The following SHPRH variants were observed in gnomAD, a reference collection of about 807,000 sequenced individuals.
SHPRH encodes the protein E3 ubiquitin-protein ligase SHPRH.
Under a neutral mutation model 202.5 loss-of-function variants are expected in SHPRH, and 106 were observed. The ratio of observed to expected loss-of-function variants is 0.52; its 90% CI spans 0.45 to 0.62. The LOEUF (loss-of-function observed/expected upper bound fraction) is 0.62, where lower values mean the gene tolerates loss of function less well. Ranked by LOEUF, SHPRH falls within the 20% of genes least tolerant of loss-of-function variation. The probability of loss-of-function intolerance (pLI) is 0.00; values close to 1 mark genes in which losing one functional copy is unlikely to be tolerated. For synonymous variants in SHPRH, 729 were observed against 686.0 expected (o/e 1.06, Z -0.98); for missense variants, 1,710 against 2,020.0 (o/e 0.85, Z 2.94).
intron 25 of SHPRH, 42 bp from the exon 26 acceptor site, chr6:145,895,019 C>G: frequency 2.5e-6 from 4 of 1,569,728 alleles, no homozygotes; most frequent in Non-Finnish European, 3.5e-6. Context: ...ACTAAAAAAT[C>G]TAGTTAAGAA....
intron 8 of SHPRH, among the ~76,000 whole-genome samples, chr6:145,944,196 A>C (rs1787112916): frequency 1.3e-5 from 2 of 152,158 alleles, no homozygotes; most frequent in Non-Finnish European, 2.9e-5. Context: ...AAGAAAGTAA[A>C]AGATAATCCA....
intron 2 of SHPRH, among the ~76,000 whole-genome samples, chr6:145,868,396 A>G (rs1779899619): frequency 6.6e-6 from 1 of 152,258 alleles, no homozygotes; most frequent in Admixed American, 6.5e-5. Context: ...AGGAATGACC[A>G]AAGCCCACAA....
At chr6:145,936,046 T>C (rs1404869351) in intron 11 of SHPRH, among the ~76,000 whole-genome samples, 3 of 152,244 alleles carry the variant, frequency 2.0e-5, no homozygotes, top group Non-Finnish European at 2.9e-5. Flanking sequence ...TTTTCTTTTC[T>C]GATTCAGCAT....
chr6:145,871,255 G>A (rs930585278), intron 2 of SHPRH: 1 of 152,158 alleles, frequency 6.6e-6, no homozygotes, highest in South Asian at 2.1e-4. Flanking sequence ...GGGAAAAGAG[G>A]AAGTCAAACT....
rs1044161779 is a variant in SHPRH at position 145,886,146 on chromosome 6, A to G, written c.*545T>C. 8.6e-5 allele frequency: 20 copies of G among 233,372 alleles called. No homozygotes were observed. The highest frequency in any genetic ancestry group is 2.6e-4 in the Admixed American group (5 of 19,216). 14.5% of individuals were successfully genotyped at this position (233,372 alleles called of 1,614,324 possible). A position where few individuals can be genotyped will look rare whatever the true frequency, so the allele number is the denominator to read the frequency against. Reference sequence around the variant, plus strand: ...TAACTGTCTAACATTAACTTATTGTAAGGAGTTGTATTACTGCAAAATTAC... The same window carrying G: ...TAACTGTCTAACATTAACTTATTGTGAGGAGTTGTATTACTGCAAAATTAC... On this transcript the variant is annotated 3_prime_UTR_variant, in exon 30 of 30. Transcript: ENST00000275233.
intron 28 of SHPRH, among the ~76,000 whole-genome samples, chr6:145,890,992 CCTCCA>C (rs1223206827): frequency 2.9e-3 from 447 of 152,280 alleles, no homozygotes; most frequent in African/African-American, 0.01. Context: ...ACTGCAATAG[CCTCCA>C]AGACTCTCCC....
intron 1 of SHPRH, among the ~76,000 whole-genome samples, chr6:145,959,230 T>C (rs753422865): frequency 6.6e-6 from 1 of 152,228 alleles, no homozygotes; most frequent in Non-Finnish European, 1.5e-5. Context: ...GCCTTCACAT[T>C]CACTCCCTGA....
At chr6:145,943,836 C>G (rs746411392) in intron 8 of SHPRH, 34 bp from the exon 9 acceptor site, 6 of 1,518,264 alleles carry the variant, frequency 4.0e-6, no homozygotes, top group Non-Finnish European at 5.3e-6. Context: ...TTGATTGCAA[C>G]TAGTTGCATT....
chr6:145,952,481 A>G lies in SHPRH; in HGVS notation c.634-3T>C. On this transcript the variant is annotated splice_region_variant and splice_polypyrimidine_tract_variant and intron_variant, in intron 2 of 29. Coordinates refer to ENST00000275233, the MANE Select transcript of SHPRH (RefSeq NM_001042683.3). ...GCTTCCAAAAGATAAATTCCAACCTAAAAACAATTAATCAAAATAAAAGTA... is the reference window on the plus strand; with the variant it reads ...GCTTCCAAAAGATAAATTCCAACCTGAAAACAATTAATCAAAATAAAAGTA... 6.3e-7 allele frequency: 1 copy of G among 1,599,748 alleles called. No individual in the cohort carries two copies. Among genetic ancestry groups the G allele is most frequent in the Non-Finnish European group, 8.5e-7 (1 of 1,173,986 alleles).
rs779484607 is a variant in SHPRH, at chr6:145,935,008, G to A, written c.2889C>T (p.Asp963=). ...SDWALKLSSL[D]RRTVTSILYP... ...ACAGGATAGAGGTGACAGTCCTTCT[G>A]TCTAGGCTGCTGAGCTTCAGAGCCC... Residue 963 remains aspartate, a synonymous_variant, in exon 13 of 30, where the codon GAC becomes GAT. Transcript: ENST00000275233. The A allele has an allele frequency of 4.3e-6, 7 of 1,614,026 alleles. No individual in the cohort carries two copies. The South Asian group carries it at 7.7e-5, about 18-fold the overall frequency.
chr6:145,957,457 T>C (rs1788621890), intron 1 of SHPRH, among the ~76,000 whole-genome samples: 1 of 152,160 alleles, frequency 6.6e-6, no homozygotes, highest in East Asian at 1.9e-4. Context: ...GCAAATCAAG[T>C]ATCTGATGAA....
chr6:145,942,515 G>A (rs1051110051), intron 9 of SHPRH, among the ~76,000 whole-genome samples: 2 of 152,108 alleles, frequency 1.3e-5, no homozygotes, highest in African/African-American at 4.8e-5. Context: ...TATGTAAAGT[G>A]GATGAAATAC....
Position 145,935,346 on chromosome 6 carries a change from G to T in SHPRH, c.2665C>A (p.Pro889Thr). Residue 889 changes from proline (P) to threonine (T), a missense_variant, in exon 12 of 30, where the codon CCT becomes ACT. This residue lies in a region of SHPRH where 277 missense variants were observed against 363.0 expected (regional missense o/e 0.76). Transcript: ENST00000275233. ...GCAATAAAGCTGTAGAGATGCTGAG[G>T]ATTCTTCTTGCAGTAAGGCCGATAG... The part of the protein sequence containing the change: ...LLYRPYCKKN[P>T]QHLYSFIAKI... 1 of 1,613,994 alleles carries T rather than the reference G, an allele frequency of 6.2e-7. No homozygotes were observed. Among genetic ancestry groups the T allele is most frequent in the Non-Finnish European group, 8.5e-7 (1 of 1,179,992 alleles).
At chr6:145,923,881 G>C in intron 17 of SHPRH, 96 bp from the exon 18 acceptor site, 4 of 1,242,340 alleles carry the variant, frequency 3.2e-6, no homozygotes, top group Non-Finnish European at 4.4e-6. Context: ...TTCAAAGAAA[G>C]TAATAAATGC....
At chr6:145,949,188 T>C (rs1222018435) in intron 4 of SHPRH, among the ~76,000 whole-genome samples, 2 of 152,036 alleles carry the variant, frequency 1.3e-5, no homozygotes, top group African/African-American at 2.4e-5. Flanking sequence ...AGATCTATCA[T>C]TCACTCCAGA....
In SHPRH at chr6:145,943,337, G is replaced by GGTC; in HGVS notation, c.2043_2044insGAC (p.His681_Leu682insAsp). ...TTCACACACTTTGCATGTTGCCACA[G>GGTC]GTGACACTTCAGGCATTGAACACGA... On this transcript the variant is annotated inframe_insertion, in exon 9 of 30. Transcript: ENST00000275233. 3 of 1,613,876 alleles carry GGTC rather than the reference G, an allele frequency of 1.9e-6. No homozygotes were observed. Among genetic ancestry groups the GGTC allele is most frequent in the Non-Finnish European group, 2.5e-6 (3 of 1,179,946 alleles).
chr6:145,881,045 A>G (rs575882018), downstream of SHPRH, among the ~76,000 whole-genome samples: 1 of 152,334 alleles, frequency 6.6e-6, no homozygotes, highest in South Asian at 2.1e-4. Flanking sequence ...AAATGTAAAT[A>G]GGTTATTAGC....
chr6:145,892,689 T>C (rs1264101453), intron 28 of SHPRH, among the ~76,000 whole-genome samples: 3 of 152,146 alleles, frequency 2.0e-5, no homozygotes, highest in Admixed American at 1.3e-4. Context: ...ATAATAATAT[T>C]CATTATTAGG....
chr6:145,933,942 G>A (rs1785747654), intron 13 of SHPRH, among the ~76,000 whole-genome samples: 1 of 152,048 alleles, frequency 6.6e-6, no homozygotes, highest in South Asian at 2.1e-4. Context: ...TGGGAACTAT[G>A]AAATAAAATA....
Sources: allele counts gnomAD v4.1 joint callset (sites outside exome capture counted in the v4.1 genomes callset), GRCh38; gene constraint gnomAD v4.1.1; regional missense constraint gnomAD v4.1.1; transcripts MANE v1.5; gene names NCBI Gene and HGNC (gene_info 2026-07-23, HGNC 2026-07-21).